The following OR3A2 variants were observed in gnomAD, a reference collection of about 807,000 sequenced individuals.
OR3A2 encodes the protein olfactory receptor 3A2.
For missense variants in OR3A2, 318 were observed against 392.8 expected (o/e 0.81, Z 1.61); for synonymous variants, 126 against 159.3 (o/e 0.79, Z 1.57).
chr17:3,376,222 G>C (rs556661766), intron 2 of OR3A2, among the ~76,000 whole-genome samples: 1 of 152,162 alleles, frequency 6.6e-6, no homozygotes, highest in Admixed American at 6.5e-5. Flanking sequence ...TTAGATTGTT[G>C]GCCCCCAGCC....
intron 3 of OR3A2, among the ~76,000 whole-genome samples, chr17:3,329,312 T>C (rs1478116140): frequency 6.7e-6 from 1 of 149,978 alleles, no homozygotes; most frequent in East Asian, 2.0e-4. Flanking sequence ...GTACCTCTGG[T>C]AGAATTTGGC....
chr17:3,312,559 C>A (rs951667595), intron 3 of OR3A2, among the ~76,000 whole-genome samples: 1 of 152,186 alleles, frequency 6.6e-6, no homozygotes, highest in Admixed American at 6.5e-5. Flanking sequence ...GCCCCCGCCC[C>A]CTGACCAGAA....
downstream of OR3A2, among the ~76,000 whole-genome samples, chr17:3,276,752 A>G (rs1009046884): frequency 3.3e-5 from 5 of 152,188 alleles, no homozygotes; most frequent in African/African-American, 1.2e-4. Flanking sequence ...AAACTTTATC[A>G]TATGTGTGAG....
chr17:3,282,803 A>T (rs1408849625), intron 1 of OR3A2, among the ~76,000 whole-genome samples: 1 of 152,166 alleles, frequency 6.6e-6, no homozygotes, highest in East Asian at 1.9e-4. Context: ...TTTTCCTGTC[A>T]GGTCCATTTT....
At chr17:3,323,650 G>GAA (rs1350852855) in intron 3 of OR3A2, among the ~76,000 whole-genome samples, 1 of 152,070 alleles carries the variant, frequency 6.6e-6, no homozygotes, top group East Asian at 1.9e-4. Context: ...ATTCTGGGTT[G>GAA]AAAATTCTTT....
chr17:3,325,874 A>G (rs564612108), intron 3 of OR3A2, among the ~76,000 whole-genome samples: 20 of 152,150 alleles, frequency 1.3e-4, no homozygotes, highest in African/African-American at 4.6e-4. Context: ...GGGTTGCTGC[A>G]CAGATCAACC....
intron 3 of OR3A2, among the ~76,000 whole-genome samples, chr17:3,312,789 A>G (rs1447174630): frequency 6.6e-6 from 1 of 151,924 alleles, no homozygotes; most frequent in Non-Finnish European, 1.5e-5. Flanking sequence ...ACGTCCGGCT[A>G]ATTTTTGTAT....
intron 3 of OR3A2, among the ~76,000 whole-genome samples, chr17:3,316,153 G>A (rs1463246961): frequency 6.6e-6 from 1 of 152,140 alleles, no homozygotes. Flanking sequence ...CCAGTCAAAG[G>A]TGGTGACTAA....
chr17:3,336,893 A>C (rs894433553), intron 2 of OR3A2, among the ~76,000 whole-genome samples: 1 of 152,176 alleles, frequency 6.6e-6, no homozygotes, highest in African/African-American at 2.4e-5. Flanking sequence ...ACTCCTACCT[A>C]ACCCCAATTT....
intron 2 of OR3A2, among the ~76,000 whole-genome samples, chr17:3,341,383 T>A (rs1008771898): frequency 1.8e-4 from 27 of 152,222 alleles, no homozygotes; most frequent in Admixed American, 1.8e-3. Context: ...ATTTGGCATG[T>A]TTCTGCAGTG....
At position 3,315,752 on chromosome 17, in the gene OR3A2, G is replaced by A. The variant is rs58096817; in HGVS notation, c.-85+20281C>T. Among the ~76,000 whole-genome samples, 196 of 35,026 alleles carry A rather than the reference G, an allele frequency of 5.6e-3. 3 individuals carry two copies. In the East Asian group the frequency reaches 0.19, roughly 34 times the overall value. The allele number at this position is 35,026 out of a possible 152,430, so 23.0% of individuals were successfully genotyped here. Reference sequence around the variant, plus strand: ...TTAAAGTGCTAACTGGTGAAAATATGGGGGGGGGGGCGGTAGTAAGATGAG... The same window carrying A: ...TTAAAGTGCTAACTGGTGAAAATATAGGGGGGGGGGCGGTAGTAAGATGAG... On this transcript the variant is annotated intron_variant, in intron 3 of 4. Coordinates refer to the OR3A2 transcript ENST00000573491.
rs1457804907 is a variant in OR3A2 at position 3,278,854 on chromosome 17, G to A, written c.64C>T (p.Gln22Ter). The stretch of plus-strand genomic sequence containing the variant: ...ACAACTGGCTGCATCTCTTCTGTTT[G>A]CACTAGGCCCAGTAGAATGAACTCA... Residue 22 changes from glutamine (Q) to a stop codon, truncating the protein, a stop_gained, in exon 2 of 2, where the codon CAA (glutamine) becomes TAA (stop). Transcript: ENST00000642052. LOFTEE classifies it low-confidence loss of function (END_TRUNC). The A allele has an allele frequency of 8.6e-6, 13 of 1,519,444 alleles. No homozygotes were observed. Among genetic ancestry groups the A allele is most frequent in the Non-Finnish European group, 1.1e-5 (12 of 1,132,488 alleles). 94.1% of individuals were successfully genotyped at this position (1,519,444 alleles called of 1,614,324 possible).
intron 3 of OR3A2, chr17:3,291,935 G>A: frequency 1.9e-6 from 3 of 1,614,096 alleles, no homozygotes; most frequent in Middle Eastern, 1.6e-4. Flanking sequence ...AGATGACAAT[G>A]AGAGCCATGG....
chr17:3,331,110 G>A (rs983675871), intron 3 of OR3A2, among the ~76,000 whole-genome samples: 9 of 152,072 alleles, frequency 5.9e-5, no homozygotes, highest in African/African-American at 2.2e-4. Flanking sequence ...TTCCCTTTGA[G>A]GGTAACCCGA....
At chr17:3,371,189 G>A (rs2049613947) in intron 2 of OR3A2, among the ~76,000 whole-genome samples, 2 of 151,888 alleles carry the variant, frequency 1.3e-5, no homozygotes, top group South Asian at 4.1e-4. Flanking sequence ...CCCAGTAGGG[G>A]CGGCCGGGCA....
At chr17:3,321,694 A>T (rs950966936) in intron 3 of OR3A2, among the ~76,000 whole-genome samples, 1 of 152,126 alleles carries the variant, frequency 6.6e-6, no homozygotes, top group Non-Finnish European at 1.5e-5. Context: ...ATTGATTGGC[A>T]TATGTTGAAC....
At chr17:3,300,192 A>G (rs2676605) in intron 3 of OR3A2, among the ~76,000 whole-genome samples, 72,807 of 151,106 alleles carry the variant, frequency 0.48, 18,673 homozygotes, top group East Asian at 0.96. Context: ...TCTGATCACT[A>G]TGACTGTCTC....
chr17:3,278,218 C>A (rs935160496), exon 2 of OR3A2: 9 of 1,614,198 alleles, frequency 5.6e-6, no homozygotes, highest in Non-Finnish European at 7.6e-6. Flanking sequence ...CGGCCCTCCA[C>A]TGAACGGATT....
At chr17:3,302,083 G>A (rs990791519) in intron 3 of OR3A2, among the ~76,000 whole-genome samples, 8 of 152,032 alleles carry the variant, frequency 5.3e-5, no homozygotes, top group African/African-American at 1.4e-4. Context: ...ACTGCTCAAC[G>A]AAATAAAAGA....
Sources: gnomAD v4.1 joint callset for allele counts (sites outside exome capture counted in the v4.1 genomes callset) on GRCh38, gnomAD v4.1.1 for gene constraint, MANE v1.5 for transcripts, NCBI Gene and HGNC (gene_info 2026-07-23, HGNC 2026-07-21) for gene names.